RPE: variants seen among roughly 807,000 people sequenced by gnomAD.
RPE encodes the protein ribulose-5-phosphate-3-epimerase, also known as ribulose-phosphate 3-epimerase.
RPE carries 16 observed loss-of-function variants against 24.6 expected under a neutral mutation model. That is an observed-to-expected ratio of 0.65 (90% CI 0.44 to 0.99). The LOEUF is 0.99. RPE is among the 50% of genes least tolerant of loss of function. RPE has a pLI of 0.00. For missense variants in RPE, 240 were observed against 294.5 expected (o/e 0.81, Z 1.35); for synonymous variants, 93 against 98.4 (o/e 0.94, Z 0.33).
Position 210,020,743 on chromosome 2 carries a change from A to T in RPE, c.*952A>T, listed in dbSNP as rs1204515721. The T allele has an allele frequency of 6.1e-6, 1 of 163,188 alleles. No homozygotes were observed. The highest frequency in any genetic ancestry group is 2.4e-5 in the African/African-American group (1 of 41,460). The allele number at this position is 163,188 out of a possible 1,614,324, so 10.1% of individuals were successfully genotyped here. A position where few individuals can be genotyped will look rare whatever the true frequency, so the allele number is the denominator to read the frequency against. On this transcript the variant is annotated 3_prime_UTR_variant, in exon 6 of 6. Coordinates refer to ENST00000359429, the MANE Select transcript of RPE (RefSeq NM_199229.3). ...TTTGTGAGTTATAAAGTACTTTGAT[A>T]TATTCTCATTAAATCTGTAAATCAC...
At chr2:210,016,231 C>A (rs1439822800) in intron 3 of RPE, 119 bp downstream of exon 3, 1 of 1,614,046 alleles carries the variant, frequency 6.2e-7, no homozygotes, top group East Asian at 2.2e-5. Context: ...GGCTGAAGTG[C>A]AGTGGCACAG....
chr2:210,011,770 C>G (rs1024281405), intron 2 of RPE, among the ~76,000 whole-genome samples: 2 of 151,776 alleles, frequency 1.3e-5, no homozygotes, highest in African/African-American at 4.8e-5. Context: ...CTCCTGGGCT[C>G]AAGCAATCCT....
intron 1 of RPE, among the ~76,000 whole-genome samples, chr2:210,005,107 A>T (rs992431288): frequency 6.6e-6 from 1 of 152,212 alleles, no homozygotes; most frequent in Non-Finnish European, 1.5e-5. Context: ...GATTCAGCAG[A>T]GCCTGGCAGA....
At chr2:210,009,984 CAGAG>C (rs1030640572) in intron 2 of RPE, among the ~76,000 whole-genome samples, 61 of 152,274 alleles carry the variant, frequency 4.0e-4, no homozygotes, top group African/African-American at 1.4e-3. Flanking sequence ...GTCATTTCCT[CAGAG>C]AGGCCTTTTT....
intron 2 of RPE, among the ~76,000 whole-genome samples, chr2:210,012,006 C>CA (rs1464190409): frequency 6.6e-6 from 1 of 152,048 alleles, no homozygotes; most frequent in Non-Finnish European, 1.5e-5. Context: ...TATTGAGAAA[C>CA]ATTTGTTTAA....
chr2:210,006,715 A>C (rs2093635865), intron 1 of RPE, among the ~76,000 whole-genome samples: 1 of 152,240 alleles, frequency 6.6e-6, no homozygotes, highest in Admixed American at 6.5e-5. Context: ...TAATTCCAGA[A>C]TTGTAAAACA....
At chr2:210,005,281 C>T (rs2093615184) in intron 1 of RPE, among the ~76,000 whole-genome samples, 1 of 152,098 alleles carries the variant, frequency 6.6e-6, no homozygotes, top group African/African-American at 2.4e-5. Flanking sequence ...AAAATCTCAT[C>T]CAACATTACA....
chr2:210,010,938 A>G (rs545585332), intron 2 of RPE, among the ~76,000 whole-genome samples: 2 of 152,080 alleles, frequency 1.3e-5, no homozygotes, highest in East Asian at 1.9e-4. Flanking sequence ...AATTTTTTTT[A>G]AATTAAATAA....
At chr2:210,010,828 GA>G (rs1355326874) in intron 2 of RPE, among the ~76,000 whole-genome samples, 2 of 152,074 alleles carry the variant, frequency 1.3e-5, no homozygotes, top group East Asian at 3.9e-4. Context: ...TGAGGCATGA[GA>G]ATCACTTGAA....
At position 210,016,785 on chromosome 2, in the gene RPE, A is replaced by G. The variant is rs1575320826; in HGVS notation, c.477+144A>G. On this transcript the variant is annotated intron_variant, in intron 4 of 5. Coordinates refer to ENST00000359429, the MANE Select transcript of RPE (RefSeq NM_199229.3). ...CTTACAGATCATTCTAATACAGTAT[A>G]ATAAATGCTGTAATAGATTTCTGAT... 6.4e-6 allele frequency: 7 copies of G among 1,088,284 alleles called. No homozygotes were observed. In the South Asian group the frequency reaches 1.3e-4, roughly 20 times the overall value. The allele number at this position is 1,088,284 out of a possible 1,614,324, so 67.4% of individuals were successfully genotyped here.
At chr2:210,019,262 T>C (rs188773815) in intron 5 of RPE, among the ~76,000 whole-genome samples, 19 of 152,354 alleles carry the variant, frequency 1.2e-4, no homozygotes, top group Non-Finnish European at 2.5e-4. Context: ...AATTGTCCTT[T>C]CACACTCACA....
chr2:210,009,790 A>G lies in RPE; in HGVS notation c.202+54A>G, dbSNP rs898710853. On this transcript the variant is annotated intron_variant, in intron 2 of 5. Coordinates refer to ENST00000359429, the MANE Select transcript of RPE (RefSeq NM_199229.3). ...GGATGTGTTGCTCAAGTAAAGGAAA[A>G]CTGGATGGTTGATTTTAACTTCCAA... 2.5e-6 allele frequency: 4 copies of G among 1,609,320 alleles called. No individual in the cohort carries two copies. In the African/African-American group the frequency reaches 4.0e-5, roughly 16 times the overall value.
intron 5 of RPE, 158 bp downstream of exon 5, chr2:210,017,717 G>A (rs1405253666): frequency 1.4e-5 from 8 of 591,006 alleles, no homozygotes; most frequent in Non-Finnish European, 2.4e-5. Flanking sequence ...AAAATAAACA[G>A]CCATAAGTGG....
intron 5 of RPE, 190 bp downstream of exon 5, chr2:210,017,749 TTTTTTTTC>T: frequency 1.6e-6 from 1 of 618,722 alleles, no homozygotes; most frequent in South Asian, 2.0e-5. Context: ...TTTTTTTTTT[TTTTTTTTC>T]TTTTTCTGAG....
intron 2 of RPE, among the ~76,000 whole-genome samples, chr2:210,011,563 A>T (rs926464230): frequency 1.3e-5 from 2 of 152,118 alleles, no homozygotes; most frequent in African/African-American, 4.8e-5. Context: ...TTGTTGATAA[A>T]CTTGCTAATT....
At chr2:210,005,933 T>A (rs1392040312) in intron 1 of RPE, among the ~76,000 whole-genome samples, 1 of 152,242 alleles carries the variant, frequency 6.6e-6, no homozygotes, top group Non-Finnish European at 1.5e-5. Context: ...TGGCTTGATC[T>A]GTCTGCAGTA....
intron 2 of RPE, among the ~76,000 whole-genome samples, chr2:210,010,980 G>A (rs954175762): frequency 6.6e-6 from 1 of 151,938 alleles, no homozygotes; most frequent in Non-Finnish European, 1.5e-5. Context: ...TCTTATTCAC[G>A]TTAATCACAT....
At chr2:210,016,779 C>A in intron 4 of RPE, 138 bp downstream of exon 4, 2 of 1,167,900 alleles carry the variant, frequency 1.7e-6, no homozygotes, top group Non-Finnish European at 2.4e-6. Context: ...CATTCTAATA[C>A]AGTATAATAA....
At chr2:210,004,227 A>G (rs904500813) in intron 1 of RPE, among the ~76,000 whole-genome samples, 6 of 152,214 alleles carry the variant, frequency 3.9e-5, no homozygotes, top group African/African-American at 1.4e-4. Context: ...TAATTAAACT[A>G]TGTTTGAGTA....
Sources: allele counts gnomAD v4.1 joint callset (sites outside exome capture counted in the v4.1 genomes callset), GRCh38; gene constraint gnomAD v4.1.1; transcripts MANE v1.5; gene names NCBI Gene and HGNC (gene_info 2026-07-23, HGNC 2026-07-21).